EFHC1: variants seen among roughly 807,000 people sequenced by gnomAD.
The protein encoded by EFHC1 is EF-hand domain-containing protein 1.
A neutral mutation model predicts 69.9 loss-of-function variants in EFHC1; 53 were observed. That is an observed-to-expected ratio of 0.76 (90% confidence interval 0.61 to 0.95). The LOEUF (loss-of-function observed/expected upper bound fraction) is 0.95, where lower values mean the gene tolerates loss of function less well. Among genes scored for constraint, EFHC1 ranks in the 40% least tolerant of loss-of-function variants. The pLI, the probability that EFHC1 is intolerant of heterozygous loss-of-function variation, is 0.00. For missense variants in EFHC1, 739 were observed against 798.7 expected (o/e 0.93, Z 0.90); for synonymous variants, 256 against 278.4 (o/e 0.92, Z 0.80).
chr6:52,469,220 A>G lies in EFHC1; in HGVS notation c.1138-113A>G, dbSNP rs1420171365. The G allele has an allele frequency of 1.3e-5, 18 of 1,351,122 alleles. 1 individual carries two copies. In the Admixed American group the frequency reaches 3.1e-4, roughly 23 times the overall value. The allele number at this position is 1,351,122 out of a possible 1,614,324, so 83.7% of individuals were successfully genotyped here. ...CTGACTATATTTGTTTATGTAGAAA[A>G]TATATTTGCATAAGTATTTTCTAGA... is the stretch of plus-strand genomic sequence containing the variant. On this transcript the variant is annotated intron_variant, in intron 6 of 10. Coordinates refer to ENST00000371068, the MANE Select transcript of EFHC1 (RefSeq NM_018100.4).
Position 52,479,731 on chromosome 6 carries a change from C to A in EFHC1, c.1584C>A (p.Leu528=). The stretch of plus-strand genomic sequence containing the variant: ...CTGCCCAGTATTCACCAGAAGCACT[C>A]GCGTCAATTCAGAACCATGTCCGAA... The part of the protein sequence containing the change: ...SNAAQYSPEA[L]ASIQNHVRKR... The change falls in exon 9 of 11, where the codon CTC becomes CTA. Residue 528 remains leucine, a synonymous_variant. Coordinates refer to ENST00000371068, the MANE Select transcript of EFHC1 (RefSeq NM_018100.4). 1 of 1,614,186 alleles carries A rather than the reference C, an allele frequency of 6.2e-7. No homozygotes were observed. The highest frequency in any genetic ancestry group is 8.5e-7 in the Non-Finnish European group (1 of 1,180,038).
chr6:52,490,899 A>C (rs943496649), intron 10 of EFHC1: 1 of 158,994 alleles, frequency 6.3e-6, no homozygotes, highest in African/African-American at 2.4e-5. Flanking sequence ...TTTCTTCATT[A>C]TAAACCCTTT....
At chr6:52,446,131 T>C (rs989195841) in intron 3 of EFHC1, among the ~76,000 whole-genome samples, 5 of 152,108 alleles carry the variant, frequency 3.3e-5, no homozygotes, top group Non-Finnish European at 5.9e-5. Context: ...CTTTCTGTCT[T>C]GTTGATCTGT....
intron 6 of EFHC1, chr6:52,469,036 G>A (rs1457618432): frequency 1.5e-5 from 6 of 408,520 alleles, no homozygotes; most frequent in Admixed American, 3.8e-5. Flanking sequence ...TCACTGGGGT[G>A]GGACTAGGTC....
chr6:52,469,136 G>A (rs1209127934), intron 6 of EFHC1, 197 bp from the exon 7 acceptor site: 9 of 634,386 alleles, frequency 1.4e-5, no homozygotes, highest in Admixed American at 3.0e-5. Context: ...TTACTTCTGT[G>A]ATCAGTGAAC....
At chr6:52,431,678 G>A (rs192451124) in intron 2 of EFHC1, among the ~76,000 whole-genome samples, 7 of 152,036 alleles carry the variant, frequency 4.6e-5, no homozygotes, top group South Asian at 2.1e-4. Flanking sequence ...TATATTCTGC[G>A]GTTGTTGGGT....
intron 7 of EFHC1, among the ~76,000 whole-genome samples, chr6:52,471,144 G>A (rs955433488): frequency 2.0e-5 from 3 of 152,206 alleles, no homozygotes; most frequent in African/African-American, 4.8e-5. Flanking sequence ...TCCGCTAGGC[G>A]TGTTTGCTGA....
chr6:52,427,782 T>A (rs187780829), intron 2 of EFHC1, among the ~76,000 whole-genome samples: 1 of 152,336 alleles, frequency 6.6e-6, no homozygotes, highest in African/African-American at 2.4e-5. Flanking sequence ...ACGTACCATA[T>A]ATGCTTATAA....
rs1249106624 is a variant in EFHC1 at position 52,497,162 on chromosome 6, CAAAT to C, written c.*4825_*4828del. The C allele has an allele frequency of 2.0e-5, 3 of 152,264 alleles. No homozygotes were observed. The highest frequency in any genetic ancestry group is 2.9e-5 in the Non-Finnish European group (2 of 68,018). The allele number at this position is 152,264 out of a possible 1,614,324, so 9.4% of individuals were successfully genotyped here. On this transcript the variant is annotated 3_prime_UTR_variant, in exon 11 of 11. Coordinates refer to ENST00000371068, the MANE Select transcript of EFHC1 (RefSeq NM_018100.4). ...CTTTTCCACTTTACTATTAAAGAGT[CAAAT>C]AAAAATGATGCTTATTGCTATCCAG...
intron 2 of EFHC1, among the ~76,000 whole-genome samples, chr6:52,436,313 C>G (rs1431994970): frequency 6.6e-6 from 1 of 152,140 alleles, no homozygotes; most frequent in African/African-American, 2.4e-5. Context: ...TTCTCCTATG[C>G]ACTTGTATGC....
In EFHC1 at chr6:52,420,938, C is replaced by A. The variant is rs1233998337; in HGVS notation, c.63+465C>A. 3.2e-6 allele frequency: 3 copies of A among 950,182 alleles called. No homozygotes were observed. In the African/African-American group the frequency reaches 5.2e-5, roughly 16 times the overall value. 58.9% of individuals were successfully genotyped at this position (950,182 alleles called of 1,614,324 possible). A position where few individuals can be genotyped will look rare whatever the true frequency, so the allele number is the denominator to read the frequency against. ...CCCCGCCACTATGCACCTTCAACCTCATTCCCACAGGTCCGTCATTCCCGC... is the reference window on the plus strand; with the variant it reads ...CCCCGCCACTATGCACCTTCAACCTAATTCCCACAGGTCCGTCATTCCCGC... On this transcript the variant is annotated intron_variant, in intron 1 of 10. Coordinates refer to ENST00000371068, the MANE Select transcript of EFHC1 (RefSeq NM_018100.4).
chr6:52,445,296 T>G (rs1089946), intron 3 of EFHC1, among the ~76,000 whole-genome samples: 1 of 150,278 alleles, frequency 6.7e-6, no homozygotes, highest in Admixed American at 6.6e-5. Context: ...TTAATTAATT[T>G]ATTTATTTTT....
chr6:52,457,511 C>A (rs1297857031), intron 5 of EFHC1, among the ~76,000 whole-genome samples: 1 of 152,176 alleles, frequency 6.6e-6, no homozygotes, highest in Non-Finnish European at 1.5e-5. Context: ...GAGTAACTTT[C>A]AGAAGTCCTC....
In EFHC1 at chr6:52,454,132, G is replaced by A. The variant is rs144739917; in HGVS notation, c.761G>A (p.Ser254Asn). Residue 254 changes from serine to asparagine, a missense_variant, in exon 5 of 11, where the codon AGC (serine) becomes AAC (asparagine). Transcript: ENST00000371068. ...RFYAIWDDTD[S>N]MYGECRTYII... ...TATGCAATCTGGGATGATACAGACAGCATGTATGGTGAATGTCGGACCTAC... is the reference window on the plus strand; with the variant it reads ...TATGCAATCTGGGATGATACAGACAACATGTATGGTGAATGTCGGACCTAC... 13 of 1,613,880 alleles carry A rather than the reference G, an allele frequency of 8.1e-6. No homozygotes were observed. The Admixed American group carries it at 1.7e-4, about 21-fold the overall frequency.
chr6:52,479,103 A>C lies in EFHC1; in HGVS notation c.1345A>C (p.Ile449Leu). 1 of 1,614,116 alleles carries C rather than the reference A, an allele frequency of 6.2e-7. No individual in the cohort carries two copies. The highest frequency in any genetic ancestry group is 8.5e-7 in the Non-Finnish European group (1 of 1,180,004). ...VFSYFLATDMISIFEPPVRNS... is the reference protein window; with the variant it reads ...VFSYFLATDMLSIFEPPVRNS... Reference sequence around the variant, plus strand: ...CTCTTACTTTCTAGCTACCGACATGATCAGTATCTTTGAGCCTCCTGTTCG... The same window carrying C: ...CTCTTACTTTCTAGCTACCGACATGCTCAGTATCTTTGAGCCTCCTGTTCG... The change falls in exon 8 of 11, where the codon ATC becomes CTC. Residue 449 changes from isoleucine to leucine, a missense_variant. By Grantham distance (5) the Ile-to-Leu change is conservative. Transcript: ENST00000371068.
chr6:52,447,061 A>T (rs894658588), intron 3 of EFHC1, among the ~76,000 whole-genome samples: 3 of 152,106 alleles, frequency 2.0e-5, no homozygotes, highest in African/African-American at 4.8e-5. Flanking sequence ...CTTCTCAAGG[A>T]GTATCTTTGT....
At chr6:52,423,306 G>A (rs910731750) in intron 1 of EFHC1, among the ~76,000 whole-genome samples, 2 of 152,182 alleles carry the variant, frequency 1.3e-5, no homozygotes, top group Non-Finnish European at 2.9e-5. Flanking sequence ...TGAAAAACAT[G>A]AGAAGACTAG....
In EFHC1 at chr6:52,479,671, A is replaced by G. The variant is rs559323992; in HGVS notation, c.1524A>G (p.Thr508=). The G allele has an allele frequency of 2.5e-6, 4 of 1,614,204 alleles. No homozygotes were observed. The highest frequency in any genetic ancestry group is 1.3e-5 in the African/African-American group (1 of 75,044). Reference sequence around the variant, plus strand: ...GTCACCGGTTCATCATCCTTGATACAGACGAGTATGTTTTGAAATACATGG... The same window carrying G: ...GTCACCGGTTCATCATCCTTGATACGGACGAGTATGTTTTGAAATACATGG... ...VFGHRFIILD[T]DEYVLKYMES... Residue 508 remains threonine, a synonymous_variant, in exon 9 of 11, where the codon ACA becomes ACG. Coordinates refer to ENST00000371068, the MANE Select transcript of EFHC1 (RefSeq NM_018100.4).
At chr6:52,461,996 G>T (rs936863196) in intron 5 of EFHC1, among the ~76,000 whole-genome samples, 2 of 151,982 alleles carry the variant, frequency 1.3e-5, no homozygotes, top group African/African-American at 4.8e-5. Flanking sequence ...TAGCATAATA[G>T]TGGGAGCCAT....
Sources: allele counts gnomAD v4.1 joint callset (sites outside exome capture counted in the v4.1 genomes callset), GRCh38; gene constraint gnomAD v4.1.1; transcripts MANE v1.5; gene names NCBI Gene and HGNC (gene_info 2026-07-23, HGNC 2026-07-21).